Variants in NR2F1-AS1 observed in about 807,000 individuals in gnomAD.
NR2F1-AS1 encodes NR2F1 antisense RNA 1.
chr5:93,443,074 A>T (rs1295823017), intron 4 of NR2F1-AS1, among the ~76,000 whole-genome samples: 1 of 152,208 alleles, frequency 6.6e-6, no homozygotes, highest in Admixed American at 6.5e-5. Context: ...GGTAGATAAA[A>T]CCACAAAGAT....
intron 4 of NR2F1-AS1, among the ~76,000 whole-genome samples, chr5:93,452,064 A>T (rs1408524241): frequency 6.6e-6 from 1 of 152,228 alleles, no homozygotes; most frequent in Non-Finnish European, 1.5e-5. Flanking sequence ...AATTATAAAG[A>T]TAACTGAGAA....
chr5:93,444,537 C>T (rs972883778), intron 4 of NR2F1-AS1, among the ~76,000 whole-genome samples: 5 of 152,130 alleles, frequency 3.3e-5, no homozygotes, highest in African/African-American at 1.2e-4. Context: ...GAGGAGCACC[C>T]AGATTCATAA....
At chr5:93,478,305 A>G (rs1157348789) in intron 4 of NR2F1-AS1, among the ~76,000 whole-genome samples, 1 of 152,234 alleles carries the variant, frequency 6.6e-6, no homozygotes, top group Non-Finnish European at 1.5e-5. Flanking sequence ...ATGGCAATCA[A>G]CATGATCTGT....
At chr5:93,499,578 C>T (rs1751036049) in intron 4 of NR2F1-AS1, among the ~76,000 whole-genome samples, 1 of 152,132 alleles carries the variant, frequency 6.6e-6, no homozygotes. Flanking sequence ...CACCAACCAG[C>T]AGTTCCTCTA....
chr5:93,481,756 A>T (rs1057450298), intron 4 of NR2F1-AS1, among the ~76,000 whole-genome samples: 2 of 152,154 alleles, frequency 1.3e-5, no homozygotes, highest in Admixed American at 6.5e-5. Flanking sequence ...AAAGAAGGAA[A>T]ACTAGAAACT....
intron 4 of NR2F1-AS1, among the ~76,000 whole-genome samples, chr5:93,419,779 A>G (rs1749049548): frequency 6.6e-6 from 1 of 152,194 alleles, no homozygotes; most frequent in African/African-American, 2.4e-5. Flanking sequence ...TGAGCAAATA[A>G]AGAAATAATA....
chr5:93,535,590 G>T (rs888962274), intron 4 of NR2F1-AS1, among the ~76,000 whole-genome samples: 7 of 152,034 alleles, frequency 4.6e-5, no homozygotes, highest in Admixed American at 3.3e-4. Context: ...CATAAGCATA[G>T]ACGCAAAAAT....
At chr5:93,422,309 C>T (rs1749106013) in intron 4 of NR2F1-AS1, 1 of 152,336 alleles carries the variant, frequency 6.6e-6, no homozygotes, top group South Asian at 2.1e-4. Context: ...CTCTTGCTCA[C>T]CTCTCGGGTT....
At chr5:93,550,638 G>GA (rs1292390085) in intron 4 of NR2F1-AS1, among the ~76,000 whole-genome samples, 26 of 152,102 alleles carry the variant, frequency 1.7e-4, no homozygotes, top group Admixed American at 6.5e-4. Context: ...TTTTTAATCT[G>GA]AAAAATAACA....
intron 4 of NR2F1-AS1, among the ~76,000 whole-genome samples, chr5:93,453,926 C>A (rs1749891509): frequency 6.6e-6 from 1 of 151,962 alleles, no homozygotes; most frequent in Non-Finnish European, 1.5e-5. Flanking sequence ...AAAAAAGTAC[C>A]AGAAATGGTA....
At chr5:93,519,184 A>C (rs1211242630) in intron 4 of NR2F1-AS1, among the ~76,000 whole-genome samples, 2 of 151,880 alleles carry the variant, frequency 1.3e-5, no homozygotes, top group African/African-American at 4.8e-5. Flanking sequence ...ACTGTATATA[A>C]AAAAAATACA....
intron 4 of NR2F1-AS1, among the ~76,000 whole-genome samples, chr5:93,420,419 G>A (rs1210376710): frequency 6.6e-6 from 1 of 152,170 alleles, no homozygotes; most frequent in African/African-American, 2.4e-5. Context: ...TGTCAAGTAG[G>A]AGTATTGTCT....
chr5:93,563,714 C>A (rs1324979474), intron 1 of NR2F1-AS1, among the ~76,000 whole-genome samples: 1 of 152,102 alleles, frequency 6.6e-6, no homozygotes, highest in East Asian at 1.9e-4. Flanking sequence ...ACTTAATATA[C>A]CACGGAAATT....
chr5:93,430,753 T>C (rs139906404), intron 4 of NR2F1-AS1, among the ~76,000 whole-genome samples: 2 of 152,274 alleles, frequency 1.3e-5, no homozygotes, highest in African/African-American at 4.8e-5. Context: ...CCCGTCATTA[T>C]CAATACCAAA....
intron 4 of NR2F1-AS1, among the ~76,000 whole-genome samples, chr5:93,432,201 G>A (rs1205735995): frequency 6.6e-6 from 1 of 152,250 alleles, no homozygotes; most frequent in Admixed American, 6.5e-5. Flanking sequence ...AATAAAAAAT[G>A]TCAGATGTTA....
At chr5:93,562,190 A>AAAAAAAAAAAAAGAAAAG (rs1752505472) in intron 2 of NR2F1-AS1, among the ~76,000 whole-genome samples, 1 of 125,858 alleles carries the variant, frequency 7.9e-6, no homozygotes, top group East Asian at 2.1e-4. Flanking sequence ...CTACAAAAAA[A>AAAAAAAAAAAAAGAAAAG]AAAAAAAAAG....
chr5:93,568,436 A>G (rs1752665840), intron 1 of NR2F1-AS1, among the ~76,000 whole-genome samples: 1 of 152,228 alleles, frequency 6.6e-6, no homozygotes, highest in Admixed American at 6.5e-5. Flanking sequence ...TATTTCCTTG[A>G]TGAAAACTAA....
intron 4 of NR2F1-AS1, among the ~76,000 whole-genome samples, chr5:93,529,702 C>T (rs899398921): frequency 2.6e-5 from 4 of 151,958 alleles, no homozygotes; most frequent in African/African-American, 7.3e-5. Flanking sequence ...ACTCTAACCA[C>T]GTTTTTCACA....
At chr5:93,486,687 T>C (rs182132681) in intron 4 of NR2F1-AS1, among the ~76,000 whole-genome samples, 7 of 152,328 alleles carry the variant, frequency 4.6e-5, no homozygotes, top group Admixed American at 1.3e-4. Flanking sequence ...ACTGGTACTA[T>C]TCCTTCTGAA....
Sources: allele counts gnomAD v4.1 joint callset (sites outside exome capture counted in the v4.1 genomes callset), GRCh38; gene constraint gnomAD v4.1.1; transcripts MANE v1.5; gene names NCBI Gene and HGNC (gene_info 2026-07-23, HGNC 2026-07-21).